Variants in TENM3 observed in about 807,000 individuals in gnomAD.
TENM3 encodes the protein teneurin-3.
In TENM3, 63 loss-of-function variants were observed where a neutral mutation model predicts 255.1. The ratio of observed to expected loss-of-function variants is 0.25; its 90% confidence interval spans 0.20 to 0.30. TENM3 has a LOEUF of 0.30. Among genes scored for constraint, TENM3 ranks in the 10% least tolerant of loss-of-function variants. The pLI, the probability that TENM3 is intolerant of heterozygous loss-of-function variation, is 1.00. For missense variants in TENM3, 2,929 were observed against 3,461.1 expected (o/e 0.85, Z 3.86); for synonymous variants, 1,306 against 1,322.3 (o/e 0.99, Z 0.27).
chr4:182,784,910 G>A (rs370724008), intron 24 of TENM3, among the ~76,000 whole-genome samples: 18,903 of 151,918 alleles, frequency 0.12, 1,512 homozygotes, highest in East Asian at 0.25. Flanking sequence ...GCCCTGCTTC[G>A]GCTCGCGCAC....
chr4:182,223,698 T>A (rs1755976305), intron 1 of TENM3, among the ~76,000 whole-genome samples: 1 of 151,520 alleles, frequency 6.6e-6, no homozygotes, highest in African/African-American at 2.4e-5. Context: ...GCACTAGATG[T>A]TTCTGTAATA....
the TENM3 span, among the ~76,000 whole-genome samples, chr4:181,806,369 T>C: frequency 6.6e-6 from 1 of 152,228 alleles, no homozygotes; most frequent in Non-Finnish European, 1.5e-5. Context: ...TCTCTTGTAC[T>C]TCTGGCTGTC....
intron 3 of TENM3, among the ~76,000 whole-genome samples, chr4:182,536,191 T>C (rs1171687331): frequency 1.3e-5 from 2 of 152,268 alleles, no homozygotes; most frequent in African/African-American, 4.8e-5. Flanking sequence ...TTCTTCTTCA[T>C]AGATCAAGTT....
At chr4:181,950,723 C>A in the TENM3 span, among the ~76,000 whole-genome samples, 1 of 152,180 alleles carries the variant, frequency 6.6e-6, no homozygotes, top group Non-Finnish European at 1.5e-5. Context: ...CTGAAAAATT[C>A]TCCAAACTAC....
At chr4:182,687,266 A>G (rs1261082775) in intron 11 of TENM3, among the ~76,000 whole-genome samples, 5 of 152,176 alleles carry the variant, frequency 3.3e-5, no homozygotes, top group African/African-American at 9.6e-5. Context: ...AACTATAGCT[A>G]ACTTTAATCT....
chr4:181,559,254 G>A, the TENM3 span, among the ~76,000 whole-genome samples: 3 of 152,082 alleles, frequency 2.0e-5, no homozygotes, highest in Admixed American at 6.5e-5. Context: ...ATTATTCAAC[G>A]ATTTAACCCT....
At chr4:182,120,182 TC>T in the TENM3 span, among the ~76,000 whole-genome samples, 1 of 152,166 alleles carries the variant, frequency 6.6e-6, no homozygotes, top group East Asian at 1.9e-4. Context: ...ACTGAACCTT[TC>T]TATGTTTTGA....
intron 1 of TENM3, among the ~76,000 whole-genome samples, chr4:182,296,801 A>G (rs1246304500): frequency 1.3e-5 from 2 of 152,198 alleles, no homozygotes; most frequent in African/African-American, 4.8e-5. Flanking sequence ...AGTTCTGGAA[A>G]CAAAGATCTG....
chr4:181,685,349 G>T, the TENM3 span, among the ~76,000 whole-genome samples: 1 of 152,106 alleles, frequency 6.6e-6, no homozygotes. Context: ...TGAAAATCAT[G>T]TCCCTGGAAG....
intron 1 of TENM3, among the ~76,000 whole-genome samples, chr4:182,156,914 G>C (rs561570545): frequency 1.3e-5 from 2 of 152,106 alleles, no homozygotes; most frequent in African/African-American, 4.8e-5. Flanking sequence ...GGGAGTTTTC[G>C]TTTCTAGTTG....
At chr4:181,603,259 G>A in the TENM3 span, among the ~76,000 whole-genome samples, 1 of 152,280 alleles carries the variant, frequency 6.6e-6, no homozygotes, top group South Asian at 2.1e-4. Context: ...ATCATGGCGT[G>A]AATCTTGAGA....
the TENM3 span, among the ~76,000 whole-genome samples, chr4:181,728,169 CTGA>C: frequency 6.6e-6 from 1 of 152,068 alleles, no homozygotes; most frequent in African/African-American, 2.4e-5. Flanking sequence ...TTATTTCTAC[CTGA>C]TATTAATATC....
chr4:181,948,993 A>C, the TENM3 span, among the ~76,000 whole-genome samples: 1 of 152,270 alleles, frequency 6.6e-6, no homozygotes, highest in Middle Eastern at 3.4e-3. Context: ...GACTCTCATT[A>C]ATGTTAATTA....
chr4:182,342,823 T>C (rs1764573411), intron 2 of TENM3, among the ~76,000 whole-genome samples: 1 of 152,206 alleles, frequency 6.6e-6, no homozygotes, highest in Admixed American at 6.5e-5. Flanking sequence ...CTGTTTCTCA[T>C]ACAAGAGATA....
At chr4:182,517,116 ACT>A (rs1228585611) in intron 3 of TENM3, among the ~76,000 whole-genome samples, 1 of 152,132 alleles carries the variant, frequency 6.6e-6, no homozygotes, top group Non-Finnish European at 1.5e-5. Context: ...AGGAATAGAA[ACT>A]CTGCATTTTG....
chr4:182,387,687 G>A (rs932213422), intron 3 of TENM3, among the ~76,000 whole-genome samples: 2 of 151,378 alleles, frequency 1.3e-5, no homozygotes, highest in Non-Finnish European at 2.9e-5. Flanking sequence ...CAGACGCGCT[G>A]CCTTAAGAGC....
intron 3 of TENM3, among the ~76,000 whole-genome samples, chr4:182,483,138 T>C (rs184727959): frequency 3.3e-5 from 5 of 152,320 alleles, no homozygotes; most frequent in Admixed American, 2.0e-4. Context: ...ATGTTTCATA[T>C]GCGTTGCCAA....
intron 18 of TENM3, among the ~76,000 whole-genome samples, chr4:182,742,062 G>A (rs914256033): frequency 5.3e-5 from 8 of 152,132 alleles, no homozygotes; most frequent in East Asian, 1.9e-4. Flanking sequence ...AATATATGCC[G>A]CTCTAAAGTC....
the TENM3 span, among the ~76,000 whole-genome samples, chr4:181,853,912 C>A: frequency 1.3e-5 from 2 of 152,138 alleles, no homozygotes; most frequent in African/African-American, 4.8e-5. Context: ...TCTCTGCCTT[C>A]GTGCTATAGA....
Sources: allele counts gnomAD v4.1 joint callset (sites outside exome capture counted in the v4.1 genomes callset), GRCh38; gene constraint gnomAD v4.1.1; transcripts MANE v1.5; gene names NCBI Gene and HGNC (gene_info 2026-07-23, HGNC 2026-07-21).